The following BAZ2B variants were observed in gnomAD, a reference collection of about 807,000 sequenced individuals.
BAZ2B encodes the protein bromodomain adjacent to zinc finger domain protein 2B.
BAZ2B carries 91 observed loss-of-function variants against 246.0 expected under a neutral mutation model. That is an observed-to-expected ratio of 0.37 (90% CI 0.31 to 0.44). The LOEUF is 0.44. BAZ2B is among the 20% of genes least tolerant of loss of function. The probability of loss-of-function intolerance (pLI) is 1.00; values close to 1 mark genes in which losing one functional copy is unlikely to be tolerated. For synonymous variants in BAZ2B, 855 were observed against 860.0 expected, an observed-to-expected ratio of 0.99 and a Z score of 0.10; for missense variants, 2,332 against 2,533.7, an observed-to-expected ratio of 0.92 and a Z score of 1.71.
chr2:159,404,980 A>C, intron 15 of BAZ2B, 42 bp downstream of exon 15: 5 of 1,610,894 alleles, frequency 3.1e-6, no homozygotes, highest in Non-Finnish European at 4.2e-6. Flanking sequence ...TGAATTCCCC[A>C]GTACTGACTC....
intron 1 of BAZ2B, among the ~76,000 whole-genome samples, chr2:159,586,937 C>T (rs1578661361): frequency 6.6e-6 from 1 of 152,246 alleles, no homozygotes; most frequent in East Asian, 1.9e-4. Flanking sequence ...TTCTCTCCTC[C>T]CTCAAGTACA....
chr2:159,455,763 GTT>G (rs60866580), intron 3 of BAZ2B, among the ~76,000 whole-genome samples: 1,296 of 64,656 alleles, frequency 0.02, 12 homozygotes, highest in East Asian at 0.12. Context: ...AAATATTGTG[GTT>G]TTTTTTTTTT....
intron 2 of BAZ2B, among the ~76,000 whole-genome samples, chr2:159,489,508 T>C (rs1255380154): frequency 6.6e-6 from 1 of 151,954 alleles, no homozygotes; most frequent in Non-Finnish European, 1.5e-5. Context: ...TTTGAAGAGG[T>C]GGTGGCTAAA....
the BAZ2B span, among the ~76,000 whole-genome samples, chr2:159,650,195 T>C: frequency 2.0e-5 from 3 of 152,108 alleles, no homozygotes; most frequent in Non-Finnish European, 4.4e-5. Flanking sequence ...TTTACAATTT[T>C]AGTCTTTTTT....
At chr2:159,462,222 A>G (rs1323418367) in intron 3 of BAZ2B, 50 of 503,988 alleles carry the variant, frequency 9.9e-5, no homozygotes, top group Non-Finnish European at 2.2e-5. Flanking sequence ...CAGAGAACAC[A>G]AAAGAATCAG....
At chr2:159,656,307 G>A in the BAZ2B span, among the ~76,000 whole-genome samples, 1 of 151,990 alleles carries the variant, frequency 6.6e-6, no homozygotes, top group Admixed American at 6.6e-5. Context: ...TGGTACACTG[G>A]CCACAACCAA....
At chr2:159,552,932 C>CCAT (rs2088503072) in intron 2 of BAZ2B, among the ~76,000 whole-genome samples, 1 of 151,954 alleles carries the variant, frequency 6.6e-6, no homozygotes, top group African/African-American at 2.4e-5. Flanking sequence ...ATTAGAGAGA[C>CCAT]AGTTTGATTT....
intron 4 of BAZ2B, among the ~76,000 whole-genome samples, chr2:159,451,480 A>G (rs545437411): frequency 6.6e-6 from 1 of 152,302 alleles, no homozygotes; most frequent in African/African-American, 2.4e-5. Context: ...AAGTTACTGT[A>G]GGAAATCTGC....
In BAZ2B at chr2:159,533,341, GA is replaced by G. The variant is rs1485983506; in HGVS notation, c.-3+22481del. 3.3e-5 allele frequency among the ~76,000 whole-genome samples: 5 copies of G among 152,248 alleles called. No homozygotes were observed. The East Asian group carries it at 9.6e-4, about 29-fold the overall frequency. On this transcript the variant is annotated intron_variant, in intron 2 of 36. Coordinates refer to ENST00000392783, the MANE Select transcript of BAZ2B (RefSeq NM_013450.4). ...ATTGAAGAAAGTCACTTAATTTTCA[GA>G]AAAAGAACACTGGACTAGGAATTCG...
chr2:159,474,112 T>A (rs538185284), intron 3 of BAZ2B, among the ~76,000 whole-genome samples: 1 of 152,306 alleles, frequency 6.6e-6, no homozygotes, highest in South Asian at 2.1e-4. Flanking sequence ...GTCCCGAATA[T>A]CCTTGTTAAT....
intron 2 of BAZ2B, among the ~76,000 whole-genome samples, chr2:159,481,673 C>T (rs2150955753): frequency 6.6e-6 from 1 of 151,920 alleles, no homozygotes; most frequent in South Asian, 2.1e-4. Context: ...TGGTATTCTT[C>T]CCAAAACTAC....
At chr2:159,480,423 T>C (rs1314135396) in intron 2 of BAZ2B, among the ~76,000 whole-genome samples, 2 of 152,122 alleles carry the variant, frequency 1.3e-5, no homozygotes, top group African/African-American at 4.8e-5. Context: ...AGGTATTTCT[T>C]ATTGTTGATA....
At chr2:159,704,860 G>A in the BAZ2B span, among the ~76,000 whole-genome samples, 27 of 151,982 alleles carry the variant, frequency 1.8e-4, no homozygotes, top group East Asian at 5.8e-4. Context: ...CCACCACCAC[G>A]CCCGGCTAAT....
chr2:159,626,924 G>C, the BAZ2B span, among the ~76,000 whole-genome samples: 6 of 152,122 alleles, frequency 3.9e-5, no homozygotes, highest in Non-Finnish European at 8.8e-5. Context: ...CCACCTGCCA[G>C]ACTAATAAAG....
chr2:159,379,971 T>C (rs2061814643), intron 25 of BAZ2B, among the ~76,000 whole-genome samples: 1 of 151,914 alleles, frequency 6.6e-6, no homozygotes, highest in African/African-American at 2.4e-5. Flanking sequence ...TGTGTCCATT[T>C]TCATGACTTA....
intron 34 of BAZ2B, among the ~76,000 whole-genome samples, chr2:159,332,325 T>TG (rs1185802138): frequency 6.4e-5 from 4 of 62,582 alleles, no homozygotes; most frequent in African/African-American, 1.7e-4. Flanking sequence ...TATCTCTCTC[T>TG]CAAAAAAAAA....
rs2070299829 is a variant in BAZ2B at position 159,427,969 on chromosome 2, T to C, written c.2438A>G (p.Asp813Gly). 2 of 1,613,506 alleles carry C rather than the reference T, an allele frequency of 1.2e-6. No individual in the cohort carries two copies. Among genetic ancestry groups the C allele is most frequent in the Non-Finnish European group, 1.7e-6 (2 of 1,179,484 alleles). ...CGGTCCATCTCTGGCTTCATAGAAGTCACCCACTCTTATTTTTGCACTGAA... is the reference window on the plus strand; with the variant it reads ...CGGTCCATCTCTGGCTTCATAGAAGCCACCCACTCTTATTTTTGCACTGAA... ...FSFSAKIRVG[D>G]FYEARDGPQG... The change falls in exon 13 of 37, where the codon GAC (aspartate) becomes GGC (glycine). Residue 813 changes from aspartate to glycine, a missense_variant. By Grantham distance (94) the Asp-to-Gly change is moderately conservative (BLOSUM62 -1). Transcript: ENST00000392783.
intron 22 of BAZ2B, 59 bp from the exon 23 acceptor site, chr2:159,385,428 A>G (rs773021657): frequency 6.0e-5 from 84 of 1,411,560 alleles, no homozygotes; most frequent in South Asian, 1.9e-4. Context: ...CATAAAAACA[A>G]TAAGATTAAA....
chr2:159,421,174 A>ATTTTTTT (rs59654878), intron 13 of BAZ2B, among the ~76,000 whole-genome samples: 1 of 147,338 alleles, frequency 6.8e-6, no homozygotes. Context: ...CTTTCTTTAC[A>ATTTTTTT]TTTTTTTTTT....
Sources: allele counts gnomAD v4.1 joint callset (sites outside exome capture counted in the v4.1 genomes callset), GRCh38; gene constraint gnomAD v4.1.1; transcripts MANE v1.5; gene names NCBI Gene and HGNC (gene_info 2026-07-23, HGNC 2026-07-21).